The following ZBBX variants were observed in gnomAD, a reference collection of about 807,000 sequenced individuals.
ZBBX encodes the protein zinc finger B-box domain-containing protein 1.
In ZBBX, 101 loss-of-function variants were observed where a neutral mutation model predicts 108.5. That is an observed-to-expected ratio of 0.93 (90% confidence interval 0.79 to 1.10). The LOEUF is 1.10. Among genes scored for constraint, ZBBX ranks in the 50% least tolerant of loss-of-function variants. The pLI, the probability that ZBBX is intolerant of heterozygous loss-of-function variation, is 0.00. For synonymous variants in ZBBX, 356 were observed against 323.4 expected (o/e 1.10, Z -1.08); for missense variants, 1,009 against 941.4 (o/e 1.07, Z -0.94).
chr3:167,243,360 T>C (rs1673341994), intron 20 of ZBBX, among the ~76,000 whole-genome samples: 1 of 152,156 alleles, frequency 6.6e-6, no homozygotes, highest in African/African-American at 2.4e-5. Context: ...AGTTATACTA[T>C]GATGACTGTT....
At chr3:167,178,763 T>C in the ZBBX span, among the ~76,000 whole-genome samples, 1 of 152,140 alleles carries the variant, frequency 6.6e-6, no homozygotes, top group Non-Finnish European at 1.5e-5. Context: ...TTTCTTTGCA[T>C]CTGGTTTCTG....
rs531589058 is a variant in ZBBX, at chr3:167,405,300, C to A, written c.-446+2426G>T. ...GTGAGGATAGAAAGAAGACCAAATG[C>A]AGAACCCTTGACCTCTGACATAAAC... is the stretch of plus-strand genomic sequence containing the variant. On this transcript the variant is annotated intron_variant, in intron 1 of 21. Coordinates refer to the ZBBX transcript ENST00000455345. Among the ~76,000 whole-genome samples, 7 of 152,204 alleles carry A rather than the reference C, an allele frequency of 4.6e-5. No individual in the cohort carries two copies. The East Asian group carries it at 1.4e-3, about 29-fold the overall frequency.
chr3:167,230,496 T>C, the ZBBX span, among the ~76,000 whole-genome samples: 1 of 151,818 alleles, frequency 6.6e-6, no homozygotes. Flanking sequence ...GTCTCCTTTA[T>C]ATACAGTGGC....
intron 1 of ZBBX, chr3:167,399,656 G>A (rs1748356571): frequency 6.6e-6 from 1 of 152,038 alleles, no homozygotes; most frequent in Admixed American, 6.6e-5. Flanking sequence ...AGAAAATATG[G>A]TATACTCAAC....
chr3:167,326,617 A>G (rs1737419178), intron 11 of ZBBX, among the ~76,000 whole-genome samples: 1 of 151,740 alleles, frequency 6.6e-6, no homozygotes, highest in African/African-American at 2.4e-5. Context: ...CAGAGTTGAC[A>G]AGTCAAAAAA....
chr3:167,284,248 G>T (rs1047559027), intron 19 of ZBBX, among the ~76,000 whole-genome samples: 3 of 150,784 alleles, frequency 2.0e-5, no homozygotes, highest in Non-Finnish European at 1.5e-5. Context: ...AGTTAGAAAT[G>T]ATTTCCTCTT....
chr3:167,239,443 T>C (rs147850515), downstream of ZBBX, among the ~76,000 whole-genome samples: 2 of 152,056 alleles, frequency 1.3e-5, no homozygotes, highest in Non-Finnish European at 2.9e-5. Context: ...TATCCTTTTT[T>C]TTCTCGCCCT....
At chr3:167,203,321 T>C in the ZBBX span, among the ~76,000 whole-genome samples, 1 of 152,108 alleles carries the variant, frequency 6.6e-6, no homozygotes, top group Non-Finnish European at 1.5e-5. Context: ...CACCCTAACA[T>C]GTGCATTTTA....
rs993605467 is a variant in ZBBX, at chr3:167,268,408, C to T, written c.2254+13830G>A. Among the ~76,000 whole-genome samples, 8 of 151,636 alleles carry T rather than the reference C, an allele frequency of 5.3e-5. No homozygotes were observed. In the South Asian group the frequency reaches 8.4e-4, roughly 16 times the overall value. ...ACCCTCCCAGTCAAGACGTTCCTAC[C>T]GCAGATCAAAAGCTTCCTGGCCAAG... On this transcript the variant is annotated intron_variant, in intron 20 of 21. Transcript: ENST00000675490.
At chr3:167,374,703 T>C (rs1746673945) in intron 2 of ZBBX, among the ~76,000 whole-genome samples, 1 of 152,086 alleles carries the variant, frequency 6.6e-6, no homozygotes, top group Admixed American at 6.5e-5. Context: ...AAATAGGGCA[T>C]ATAGGACCCT....
At chr3:167,290,403 C>G (rs1337492234) in intron 18 of ZBBX, among the ~76,000 whole-genome samples, 1 of 152,188 alleles carries the variant, frequency 6.6e-6, no homozygotes, top group Non-Finnish European at 1.5e-5. Flanking sequence ...TGGTGATACC[C>G]AGGCAAACAG....
intron 20 of ZBBX, among the ~76,000 whole-genome samples, chr3:167,274,747 C>T (rs1311223128): frequency 2.0e-5 from 3 of 152,186 alleles, no homozygotes; most frequent in Admixed American, 1.3e-4. Context: ...CTGTACCTCA[C>T]GTCCCCCTCC....
At chr3:167,365,392 C>T (rs2108565141) in intron 6 of ZBBX, among the ~76,000 whole-genome samples, 1 of 151,718 alleles carries the variant, frequency 6.6e-6, no homozygotes, top group South Asian at 2.1e-4. Flanking sequence ...AGTAAAGGAG[C>T]AGCAATTCTA....
intron 20 of ZBBX, among the ~76,000 whole-genome samples, chr3:167,275,611 A>G (rs996892889): frequency 2.0e-5 from 3 of 152,212 alleles, no homozygotes; most frequent in African/African-American, 7.2e-5. Context: ...TATCCCGCAC[A>G]TGGCTCGGAG....
At chr3:167,180,923 C>A in the ZBBX span, among the ~76,000 whole-genome samples, 1 of 152,134 alleles carries the variant, frequency 6.6e-6, no homozygotes, top group Non-Finnish European at 1.5e-5. Context: ...CCCCATTTAC[C>A]TGATTTTTTT....
intron 17 of ZBBX, among the ~76,000 whole-genome samples, chr3:167,301,280 A>G (rs1395936719): frequency 6.6e-6 from 1 of 152,182 alleles, no homozygotes; most frequent in Non-Finnish European, 1.5e-5. Context: ...ATCCTGACAG[A>G]CTCTGATCAG....
rs188208999 is a variant in ZBBX at position 167,365,714 on chromosome 3, T to C, written c.273+172A>G. ...TTGTAGCTGAAAAACAAAAACATAA[T>C]TGAATAATGAAAGTTGCATATTACC... On this transcript the variant is annotated intron_variant, in intron 6 of 21. Coordinates refer to ENST00000675490, the MANE Select transcript of ZBBX (RefSeq NM_001199201.2). 6.6e-5 allele frequency among the ~76,000 whole-genome samples: 10 copies of C among 151,754 alleles called. No homozygotes were observed. In the East Asian group the frequency reaches 1.7e-3, roughly 26 times the overall value.
intron 1 of ZBBX, among the ~76,000 whole-genome samples, chr3:167,386,507 T>G (rs1747927335): frequency 6.6e-6 from 1 of 152,074 alleles, no homozygotes; most frequent in African/African-American, 2.4e-5. Context: ...ATTAATATTC[T>G]TGCATAGGCA....
chr3:167,267,272 G>A (rs572952875), intron 20 of ZBBX, among the ~76,000 whole-genome samples: 7 of 152,254 alleles, frequency 4.6e-5, no homozygotes, highest in Non-Finnish European at 7.4e-5. Flanking sequence ...CAGAGTGGAC[G>A]AAGCTAAAGA....
Sources: gnomAD v4.1 joint callset for allele counts (sites outside exome capture counted in the v4.1 genomes callset) on GRCh38, gnomAD v4.1.1 for gene constraint, MANE v1.5 for transcripts, NCBI Gene and HGNC (gene_info 2026-07-23, HGNC 2026-07-21) for gene names.